The following ATP2C1 variants were observed in gnomAD, a reference collection of about 807,000 sequenced individuals.
The protein encoded by ATP2C1 is calcium-transporting ATPase type 2C member 1.
ATP2C1 carries 31 observed loss-of-function variants against 120.5 expected under a neutral mutation model. The observed-to-expected ratio is 0.26, with a 90% CI of 0.19 to 0.35. The LOEUF (loss-of-function observed/expected upper bound fraction) is 0.35. Among genes scored for constraint, ATP2C1 ranks in the 10% least tolerant of loss-of-function variants. The pLI is 1.00. For missense variants in ATP2C1, 731 were observed against 1,107.5 expected (o/e 0.66, Z 4.83); for synonymous variants, 351 against 358.7 (o/e 0.98, Z 0.24).
chr3:130,894,149 T>TGGCCGC lies in ATP2C1; in HGVS notation c.-369_-368insGGCCGC. The TGGCCGC allele has an allele frequency of 1.4e-6, 1 of 694,856 alleles. No individual in the cohort carries two copies. The highest frequency in any genetic ancestry group is 1.8e-6 in the Non-Finnish European group (1 of 565,210). 43.0% of individuals were successfully genotyped at this position (694,856 alleles called of 1,614,324 possible). ...ACGGGTCCCCTCACCTCCTCTTCTC[T>TGGCCGC]CCCCTCCCCGCCCGCCCTCTCTCCC... On this transcript the variant is annotated 5_prime_UTR_variant, in exon 1 of 28. Coordinates refer to ENST00000510168, the MANE Select transcript of ATP2C1 (RefSeq NM_001378687.1). The surrounding 1 kb of genome is among the most constrained non-coding windows in gnomAD (Gnocchi z 4.5).
chr3:130,894,355 C>T lies in ATP2C1; in HGVS notation c.-181+18C>T, dbSNP rs1056048829. ...GGCTTTGGGTGGGTACCAGTATTAC[C>T]TCCTGCCCCCATTTCTAGAAACTTC... On this transcript the variant is annotated intron_variant, in intron 1 of 27. Coordinates refer to ENST00000510168, the MANE Select transcript of ATP2C1 (RefSeq NM_001378687.1). The surrounding 1 kb of genome is among the most constrained non-coding windows in gnomAD (Gnocchi z 4.5). The T allele has an allele frequency of 1.4e-5, 15 of 1,091,376 alleles. No homozygotes were observed. The highest frequency in any genetic ancestry group is 1.6e-5 in the Non-Finnish European group (14 of 890,456). The allele number at this position is 1,091,376 out of a possible 1,614,324, so 67.6% of individuals were successfully genotyped here. A position where few individuals can be genotyped will look rare whatever the true frequency, so the allele number is the denominator to read the frequency against.
intron 1 of ATP2C1, among the ~76,000 whole-genome samples, chr3:130,867,687 A>G (rs2068234052): frequency 6.6e-6 from 1 of 150,416 alleles, no homozygotes; most frequent in Admixed American, 6.6e-5. Context: ...AAGAGCCGAG[A>G]TTGCAGCCTC....
In ATP2C1 at chr3:130,979,158, G is replaced by A. The variant is rs540936039; in HGVS notation, c.1571-91G>A. ...TAGTCTTAAGTGATTTATTTAAGAA[G>A]TGTTACTGTCTCCAATTTCTATCAA... On this transcript the variant is annotated intron_variant, in intron 18 of 27. Transcript: ENST00000510168. 25 of 1,207,540 alleles carry A rather than the reference G, an allele frequency of 2.1e-5. No individual in the cohort carries two copies. In the African/African-American group the frequency reaches 3.3e-4, roughly 16 times the overall value. The allele number at this position is 1,207,540 out of a possible 1,614,324, so 74.8% of individuals were successfully genotyped here. A position where few individuals can be genotyped will look rare whatever the true frequency, so the allele number is the denominator to read the frequency against.
At chr3:130,851,180 C>A (rs1323352049) in intron 1 of ATP2C1, among the ~76,000 whole-genome samples, 1 of 152,166 alleles carries the variant, frequency 6.6e-6, no homozygotes. Flanking sequence ...TTCTAAAGAG[C>A]TACTCTATCA....
In ATP2C1 at chr3:130,979,289, A is replaced by T. The variant is rs748465875; in HGVS notation, c.1611A>T (p.Thr537=). ...LASGPELGQL[T]FLGLVGIIDP... ...CTGGTCCTGAACTGGGACAGCTGAC[A>T]TTTCTTGGCTTGGTGGGAATCATTG... Residue 537 remains threonine, a synonymous_variant, in exon 19 of 28, where the codon ACA becomes ACT. Coordinates refer to ENST00000510168, the MANE Select transcript of ATP2C1 (RefSeq NM_001378687.1). 1.9e-6 allele frequency: 3 copies of T among 1,613,670 alleles called. No individual in the cohort carries two copies. The highest frequency in any genetic ancestry group is 1.7e-5 in the Admixed American group (1 of 59,972).
chr3:131,001,172 A>G lies in ATP2C1; in HGVS notation c.2630-48A>G, dbSNP rs867947827. The G allele has an allele frequency of 5.9e-6, 9 of 1,529,030 alleles. No individual in the cohort carries two copies. The Middle Eastern group carries it at 1.2e-3, about 204-fold the overall frequency. 94.7% of individuals were successfully genotyped at this position (1,529,030 alleles called of 1,614,324 possible). On this transcript the variant is annotated intron_variant, in intron 27 of 27. Transcript: ENST00000510168. The stretch of plus-strand genomic sequence containing the variant: ...AAAATGTAAGCTATTAAGCTTTGCA[A>G]CTGTAAGTTTCAAAGAAATGTAAAA...
chr3:130,858,025 C>A (rs1260869024), intron 1 of ATP2C1, among the ~76,000 whole-genome samples: 1 of 152,142 alleles, frequency 6.6e-6, no homozygotes, highest in African/African-American at 2.4e-5. Context: ...AACTTGGAGT[C>A]CGATGTTCCA....
chr3:130,986,543 G>A lies in ATP2C1; in HGVS notation c.1839+5864G>A, dbSNP rs3773811. On this transcript the variant is annotated intron_variant, in intron 20 of 27. Transcript: ENST00000510168. ...TGTTGGGGTTTCCCAAGTAGAGTGTGTGTGCGTTAATTATAGCAGATATCC... is the reference window on the plus strand; with the variant it reads ...TGTTGGGGTTTCCCAAGTAGAGTGTATGTGCGTTAATTATAGCAGATATCC... Among the ~76,000 whole-genome samples the A allele has an allele frequency of 1.7e-3, 265 of 152,310 alleles. 4 individuals are homozygous for A. In the East Asian group the frequency reaches 0.036, roughly 21 times the overall value.
chr3:130,902,297 G>GTTTTTTT (rs398052267), intron 2 of ATP2C1, among the ~76,000 whole-genome samples: 8 of 13,254 alleles, frequency 6.0e-4, no homozygotes, highest in African/African-American at 1.4e-3. Context: ...TTTTTTTTTT[G>GTTTTTTT]TTTTTTTTTT....
rs377500848 is a variant in ATP2C1 at position 130,933,418 on chromosome 3, C to T, written c.235-1204C>T. On this transcript the variant is annotated intron_variant, in intron 4 of 27. Transcript: ENST00000510168. ...TTTTAAGAACTTTTTTTGGTTTACA[C>T]GGTGCTTTAATGTACATTCTTAGTT... 5.3e-5 allele frequency among the ~76,000 whole-genome samples: 8 copies of T among 152,160 alleles called. No homozygotes were observed. The East Asian group carries it at 7.7e-4, about 15-fold the overall frequency.
intron 26 of ATP2C1, among the ~76,000 whole-genome samples, chr3:131,011,531 T>C (rs1408374585): frequency 6.6e-6 from 1 of 152,206 alleles, no homozygotes. Context: ...AAAGGGAATA[T>C]GGGATGTACA....
At chr3:130,924,430 G>C (rs531688066) in intron 2 of ATP2C1, among the ~76,000 whole-genome samples, 1 of 152,304 alleles carries the variant, frequency 6.6e-6, no homozygotes, top group Admixed American at 6.5e-5. Context: ...TAGGGTTTCT[G>C]CTGAAAGATA....
chr3:130,977,390 C>G (rs575342996), intron 18 of ATP2C1, among the ~76,000 whole-genome samples: 1 of 152,072 alleles, frequency 6.6e-6, no homozygotes, highest in East Asian at 1.9e-4. Flanking sequence ...TCATCACTTC[C>G]AGTTTGTTGG....
intron 1 of ATP2C1, among the ~76,000 whole-genome samples, chr3:130,875,956 C>A (rs1179167105): frequency 2.7e-5 from 4 of 150,264 alleles, no homozygotes; most frequent in African/African-American, 9.8e-5. Context: ...ATTTTTAAAT[C>A]AAAATATTTG....
chr3:130,912,283 A>C (rs2058459716), intron 2 of ATP2C1, among the ~76,000 whole-genome samples: 1 of 147,392 alleles, frequency 6.8e-6, no homozygotes, highest in African/African-American at 2.5e-5. Context: ...GCTTCTGCAC[A>C]GCAAAAGAAA....
intron 1 of ATP2C1, among the ~76,000 whole-genome samples, chr3:130,851,712 T>C (rs2067682665): frequency 6.6e-6 from 1 of 152,212 alleles, no homozygotes. Context: ...TTAAATCTAG[T>C]GATTCATTTA....
At chr3:130,857,790 A>G (rs1027136390) in intron 1 of ATP2C1, among the ~76,000 whole-genome samples, 2 of 152,220 alleles carry the variant, frequency 1.3e-5, no homozygotes, top group Admixed American at 6.5e-5. Context: ...GGATATTTGC[A>G]TATATGATGG....
Position 130,857,627 on chromosome 3 carries a change from A to G in ATP2C1, c.108+6699A>G, listed in dbSNP as rs116246091. Reference sequence around the variant, plus strand: ...AACACTACCACCTAGCCCCATGCTTATGATCTTTCACTGGCTTCCATTTGC... The same window carrying G: ...AACACTACCACCTAGCCCCATGCTTGTGATCTTTCACTGGCTTCCATTTGC... On this transcript the variant is annotated intron_variant, in intron 1 of 26. Coordinates refer to the ATP2C1 transcript ENST00000504381. Among the ~76,000 whole-genome samples, 311 of 152,316 alleles carry G rather than the reference A, an allele frequency of 2.0e-3. 1 individual carries two copies. The highest frequency in any genetic ancestry group is 3.5e-3 in the Non-Finnish European group (239 of 68,032).
intron 2 of ATP2C1, among the ~76,000 whole-genome samples, chr3:130,911,854 C>T (rs2058432363): frequency 6.9e-6 from 1 of 144,866 alleles, no homozygotes; most frequent in Non-Finnish European, 1.5e-5. Context: ...TCAAACTATA[C>T]TACAAGGCTA....
Sources: gnomAD v4.1 joint callset for allele counts (sites outside exome capture counted in the v4.1 genomes callset) on GRCh38, gnomAD v4.1.1 for gene constraint, Gnocchi (gnomAD v3.1) non-coding constraint, MANE v1.5 for transcripts, NCBI Gene and HGNC (gene_info 2026-07-23, HGNC 2026-07-21) for gene names.